Variants in RCOR1 observed in about 807,000 individuals in gnomAD.
The protein encoded by RCOR1 is REST corepressor.
In RCOR1, 12 loss-of-function variants were observed where a neutral mutation model predicts 64.0. The ratio of observed to expected loss-of-function variants is 0.19; its 90% CI spans 0.12 to 0.30. The LOEUF (loss-of-function observed/expected upper bound fraction) is 0.30, where lower values mean the gene tolerates loss of function less well. Among genes scored for constraint, RCOR1 ranks in the 10% least tolerant of loss-of-function variants. The pLI is 1.00. For missense variants in RCOR1, 502 were observed against 621.2 expected, an observed-to-expected ratio of 0.81 and a Z score of 2.04; for synonymous variants, 279 against 227.2, an observed-to-expected ratio of 1.23 and a Z score of -2.05.
chr14:102,665,563 C>T (rs1894902631), intron 2 of RCOR1, among the ~76,000 whole-genome samples: 2 of 152,276 alleles, frequency 1.3e-5, no homozygotes, highest in Middle Eastern at 3.4e-3. Context: ...TTCTAATTCT[C>T]ATAGAAACCC....
chr14:102,701,660 A>G (rs544901202), intron 4 of RCOR1, among the ~76,000 whole-genome samples: 1 of 152,300 alleles, frequency 6.6e-6, no homozygotes, highest in Admixed American at 6.5e-5. Context: ...TGGTTGTATC[A>G]TGATGTTTTT....
At chr14:102,610,214 A>G (rs1254573463) in intron 2 of RCOR1, among the ~76,000 whole-genome samples, 1 of 152,022 alleles carries the variant, frequency 6.6e-6, no homozygotes, top group Non-Finnish European at 1.5e-5. Context: ...TTAATATTAT[A>G]TGATATATAA....
chr14:102,637,906 T>G (rs1894279491), intron 2 of RCOR1, among the ~76,000 whole-genome samples: 1 of 152,234 alleles, frequency 6.6e-6, no homozygotes, highest in African/African-American at 2.4e-5. Context: ...TCTTACAGTG[T>G]TCAAACACTG....
At chr14:102,626,162 C>T (rs939869527) in intron 2 of RCOR1, among the ~76,000 whole-genome samples, 5 of 152,170 alleles carry the variant, frequency 3.3e-5, no homozygotes, top group East Asian at 1.9e-4. Flanking sequence ...ATGTTTCTTA[C>T]GCTTTTGTTC....
chr14:102,655,201 A>G, intron 2 of RCOR1: 1 of 967,872 alleles, frequency 1.0e-6, no homozygotes, highest in Non-Finnish European at 1.2e-6. Context: ...AAAAGATGCA[A>G]AAGGGTTATG....
intron 2 of RCOR1, among the ~76,000 whole-genome samples, chr14:102,666,102 C>T (rs1173297404): frequency 3.3e-5 from 5 of 151,988 alleles, no homozygotes; most frequent in Non-Finnish European, 5.9e-5. Context: ...CTTGAGGGGT[C>T]TTGAAGCATT....
chr14:102,712,947 G>GT (rs67246962), intron 7 of RCOR1, among the ~76,000 whole-genome samples: 12,912 of 77,728 alleles, frequency 0.17, 461 homozygotes, highest in Non-Finnish European at 0.21. Context: ...CTAAATCATT[G>GT]TTTTTTTTTT....
At chr14:102,636,600 G>A (rs1019076025) in intron 2 of RCOR1, among the ~76,000 whole-genome samples, 9 of 151,974 alleles carry the variant, frequency 5.9e-5, no homozygotes, top group African/African-American at 2.2e-4. Context: ...CTTTTCATAT[G>A]TTTGTAGATC....
intron 11 of RCOR1, among the ~76,000 whole-genome samples, chr14:102,725,268 A>C (rs1488478041): frequency 1.3e-5 from 2 of 152,228 alleles, no homozygotes; most frequent in Non-Finnish European, 2.9e-5. Context: ...AGGAACAATC[A>C]CTTTGCGATT....
At chr14:102,596,044 A>T (rs1175109688) in intron 2 of RCOR1, among the ~76,000 whole-genome samples, 1 of 152,036 alleles carries the variant, frequency 6.6e-6, no homozygotes, top group East Asian at 1.9e-4. Flanking sequence ...GTGTCTTTTC[A>T]TTTAACTTAA....
intron 2 of RCOR1, among the ~76,000 whole-genome samples, chr14:102,611,000 A>G (rs952020389): frequency 2.6e-5 from 4 of 152,142 alleles, no homozygotes; most frequent in Non-Finnish European, 4.4e-5. Flanking sequence ...AATATTGCCA[A>G]TAAGGTGTTC....
intron 5 of RCOR1, 60 bp from the exon 6 acceptor site, chr14:102,708,405 C>CA (rs1895897482): frequency 9.6e-7 from 1 of 1,037,760 alleles, no homozygotes; most frequent in African/African-American, 1.6e-5. Context: ...CGGCCTTAAA[C>CA]ATTTGATTTT....
In RCOR1 at chr14:102,726,761, A is replaced by T. The variant is rs1329751360; in HGVS notation, c.*255A>T. On this transcript the variant is annotated 3_prime_UTR_variant, in exon 12 of 12. Coordinates refer to ENST00000262241, the MANE Select transcript of RCOR1 (RefSeq NM_015156.4). ...GCTGGGGAAGTCTCACGGCCTGCACATCTCTTGTGACTCTGGGAACCGCCT... is the reference window on the plus strand; with the variant it reads ...GCTGGGGAAGTCTCACGGCCTGCACTTCTCTTGTGACTCTGGGAACCGCCT... 4 of 474,972 alleles carry T rather than the reference A, an allele frequency of 8.4e-6. No homozygotes were observed. Among genetic ancestry groups the T allele is most frequent in the Non-Finnish European group, 1.5e-5 (4 of 272,138 alleles). 29.4% of individuals were successfully genotyped at this position (474,972 alleles called of 1,614,324 possible). A position where few individuals can be genotyped will look rare whatever the true frequency, so the allele number is the denominator to read the frequency against.
At chr14:102,599,548 C>G (rs1049559759) in intron 2 of RCOR1, among the ~76,000 whole-genome samples, 1 of 152,028 alleles carries the variant, frequency 6.6e-6, no homozygotes, top group African/African-American at 2.4e-5. Flanking sequence ...AAAAAAGCAA[C>G]CTTTATTTTG....
At chr14:102,659,123 T>TTA in intron 2 of RCOR1, 1 of 985,352 alleles carries the variant, frequency 1.0e-6, no homozygotes, top group Non-Finnish European at 1.2e-6. Flanking sequence ...TCTTTGCCCG[T>TTA]TATTCTACCG....
chr14:102,594,319 G>A (rs1235849361), intron 2 of RCOR1, among the ~76,000 whole-genome samples: 1 of 151,678 alleles, frequency 6.6e-6, no homozygotes. Flanking sequence ...CTTTAGAGCT[G>A]GGGTTCTGTA....
rs143387570 is a variant in RCOR1 at position 102,595,171 on chromosome 14, A to G, written c.361+1846A>G. Among the ~76,000 whole-genome samples, 29 of 152,332 alleles carry G rather than the reference A, an allele frequency of 1.9e-4. No individual in the cohort carries two copies. In the East Asian group the frequency reaches 5.2e-3, roughly 27 times the overall value. ...CTTTGGGCTTTTTGTTGGAATAGAT[A>G]TGAGCATAAACTTGCTAGTGACCAG... On this transcript the variant is annotated intron_variant, in intron 2 of 11. Transcript: ENST00000262241.
intron 2 of RCOR1, among the ~76,000 whole-genome samples, chr14:102,648,435 T>A (rs1288054027): frequency 6.6e-6 from 1 of 152,184 alleles, no homozygotes; most frequent in Non-Finnish European, 1.5e-5. Flanking sequence ...AAATTTATCT[T>A]GTATGTTCTC....
At chr14:102,692,548 G>A (rs191563743) in intron 3 of RCOR1, among the ~76,000 whole-genome samples, 74 of 151,682 alleles carry the variant, frequency 4.9e-4, no homozygotes, top group African/African-American at 1.6e-3. Context: ...GTTTGCTTCC[G>A]GATCTTTTCG....
Sources: allele counts gnomAD v4.1 joint callset (sites outside exome capture counted in the v4.1 genomes callset), GRCh38; gene constraint gnomAD v4.1.1; transcripts MANE v1.5; gene names NCBI Gene and HGNC (gene_info 2026-07-23, HGNC 2026-07-21).